CENPE: variants seen among roughly 807,000 people sequenced by gnomAD.
CENPE encodes the protein centromere protein E.
CENPE carries 145 observed loss-of-function variants against 336.1 expected under a neutral mutation model. The ratio of observed to expected loss-of-function variants is 0.43; its 90% CI spans 0.38 to 0.50. The LOEUF is 0.50. Ranked by LOEUF, CENPE falls within the 20% of genes least tolerant of loss-of-function variation. The pLI is 0.00. For synonymous variants in CENPE, 1,013 were observed against 984.8 expected (o/e 1.03, Z -0.54); for missense variants, 2,719 against 3,023.3 (o/e 0.90, Z 2.36).
rs1314684342 is a variant in CENPE, at chr4:103,116,675, T to A, written c.7344A>T (p.Leu2448Phe). The A allele has an allele frequency of 6.4e-7, 1 of 1,566,268 alleles. No individual in the cohort carries two copies. Among genetic ancestry groups the A allele is most frequent in the Non-Finnish European group, 8.6e-7 (1 of 1,159,708 alleles). The change falls in exon 45 of 49, where the codon TTA becomes TTT. Residue 2448 changes from leucine (L) to phenylalanine (F), a missense_variant. Around this residue, in one of 5 missense-constraint regions of CENPE, gnomAD observed 2,437 missense variants for 2,513.3 expected, o/e 0.97. Transcript: ENST00000265148. ...TTTCTTCTTTATATGGCTTAGCTCC[T>A]AAAGCAACTTTGTCCTAAATTTTTT... The part of the protein sequence containing the change: ...TIQVLQDKVA[L>F]GAKPYKEEIE...
rs1260520613 is a variant in CENPE at position 103,147,553 on chromosome 4, C to T, written c.3937G>A (p.Glu1313Lys). The T allele has an allele frequency of 3.1e-6, 5 of 1,614,012 alleles. No homozygotes were observed. In the South Asian group the frequency reaches 5.5e-5, roughly 18 times the overall value. The change falls in exon 29 of 49, where the codon GAA becomes AAA. Residue 1313 changes from glutamate to lysine, a missense_variant. By Grantham distance (56) the Glu-to-Lys change is moderately conservative. Transcript: ENST00000265148. ...ETMNELELLT[E>K]QSTTKDSTTL... ...GTTGAGTCCTTGGTTGTGGACTGTT[C>T]TGTTAATAACTCCAGTTCATTCATT...
chr4:103,132,984 A>ATATATAT (rs1578575064), intron 41 of CENPE, 88 bp from the exon 42 acceptor site: 11 of 187,762 alleles, frequency 5.9e-5, no homozygotes, highest in African/African-American at 7.6e-5. Context: ...ATATATATAT[A>ATATATAT]AAATAAAAAG....
intron 17 of CENPE, 90 bp from the exon 18 acceptor site, chr4:103,163,346 C>T (rs1469272370): frequency 2.3e-6 from 3 of 1,306,278 alleles, no homozygotes; most frequent in Non-Finnish European, 2.1e-6. Context: ...AGTTTAAATT[C>T]ATAGTAAAAT....
At chr4:103,175,342 G>C (rs1356570908) in intron 15 of CENPE, among the ~76,000 whole-genome samples, 1 of 151,380 alleles carries the variant, frequency 6.6e-6, no homozygotes, top group Non-Finnish European at 1.5e-5. Context: ...TAAACCATGA[G>C]TTAAAAAAAT....
intron 8 of CENPE, 32 bp from the exon 9 acceptor site, chr4:103,185,893 C>T: frequency 6.8e-7 from 1 of 1,461,710 alleles, no homozygotes; most frequent in Admixed American, 1.9e-5. Flanking sequence ...ATCCTTAGGG[C>T]AGATAATTTG....
In CENPE at chr4:103,180,449, A is replaced by G; in HGVS notation, c.1104T>C (p.Ala368=). 2 of 1,611,406 alleles carry G rather than the reference A, an allele frequency of 1.2e-6. No individual in the cohort carries two copies. Among genetic ancestry groups the G allele is most frequent in the Admixed American group, 1.7e-5 (1 of 59,860 alleles). The stretch of plus-strand genomic sequence containing the variant: ...CCAATTGGTCTTTTTCCATTGCCTG[A>G]GCCCGCGTCTCTAAAGAAACCTATA... ...QLEEVSLETR[A]QAMEKDQLAQ... Residue 368 remains alanine, a synonymous_variant, in exon 13 of 49, where the codon GCT becomes GCC. Coordinates refer to ENST00000265148, the MANE Select transcript of CENPE (RefSeq NM_001813.3).
chr4:103,168,483 C>A (rs1755113214), intron 16 of CENPE, among the ~76,000 whole-genome samples: 1 of 152,178 alleles, frequency 6.6e-6, no homozygotes, highest in African/African-American at 2.4e-5. Context: ...ATCCTCCCTG[C>A]ATAAGGAACT....
Position 103,120,315 on chromosome 4 carries a change from T to C in CENPE, c.7162A>G (p.Asn2388Asp). 1.2e-6 allele frequency: 2 copies of C among 1,607,152 alleles called. No homozygotes were observed. Residue 2388 changes from asparagine to aspartate, a missense_variant, in exon 44 of 49, where the codon AAT becomes GAT. Around this residue, in one of 5 missense-constraint regions of CENPE, gnomAD observed 2,437 missense variants for 2,513.3 expected, o/e 0.97. Coordinates refer to ENST00000265148, the MANE Select transcript of CENPE (RefSeq NM_001813.3). Reference protein sequence around the residue: ...LTTEKIRELENSLHEAKESAM... With the variant: ...LTTEKIRELEDSLHEAKESAM... ...CTTTCTTTAGCTTCATGCAGTGAAT[T>C]TTCCAGCTCTCGAATTTTCTATTAG...
chr4:103,139,818 T>C lies in CENPE; in HGVS notation c.6175A>G (p.Ile2059Val). Reference sequence around the variant, plus strand: ...GCTATCATTTCCCTTAAGGTTGCTATGAATTGGTCCCTTTCCATTTTGAGA... The same window carrying C: ...GCTATCATTTCCCTTAAGGTTGCTACGAATTGGTCCCTTTCCATTTTGAGA... ...ESLKMERDQFIATLREMIARD... is the reference protein window; with the variant it reads ...ESLKMERDQFVATLREMIARD... The change falls in exon 38 of 49, where the codon ATA becomes GTA. Residue 2059 changes from isoleucine (I) to valine (V), a missense_variant. Physicochemically the swap from Ile to Val is conservative, Grantham distance 29. Around this residue, in one of 5 missense-constraint regions of CENPE, gnomAD observed 2,437 missense variants for 2,513.3 expected, o/e 0.97. Coordinates refer to ENST00000265148, the MANE Select transcript of CENPE (RefSeq NM_001813.3). The C allele has an allele frequency of 1.2e-6, 2 of 1,611,086 alleles. No individual in the cohort carries two copies. The highest frequency in any genetic ancestry group is 8.5e-7 in the Non-Finnish European group (1 of 1,179,010).
chr4:103,182,453 A>G (rs116247051), intron 11 of CENPE, among the ~76,000 whole-genome samples: 363 of 152,354 alleles, frequency 2.4e-3, no homozygotes, highest in African/African-American at 8.2e-3. Flanking sequence ...GCAAGTAATA[A>G]TAGTTTCCCA....
Position 103,158,629 on chromosome 4 carries a change from G to A in CENPE, c.2859C>T (p.His953=), listed in dbSNP as rs1189389270. The A allele has an allele frequency of 2.5e-6, 4 of 1,602,918 alleles. No homozygotes were observed. Among genetic ancestry groups the A allele is most frequent in the East Asian group, 2.2e-5 (1 of 44,750 alleles). The change falls in exon 23 of 49, where the codon CAC becomes CAT. Residue 953 remains histidine, a synonymous_variant. Coordinates refer to ENST00000265148, the MANE Select transcript of CENPE (RefSeq NM_001813.3). ...IERDQLKSDI[H]DTVNMNIDTQ... The stretch of plus-strand genomic sequence containing the variant: ...AAAACCTTACCATGTTAACAGTATC[G>A]TGAATATCACTTTTGAGTTGGTCCC...
At chr4:103,187,219 G>T (rs1237888377) in intron 8 of CENPE, among the ~76,000 whole-genome samples, 1 of 152,154 alleles carries the variant, frequency 6.6e-6, no homozygotes, top group Non-Finnish European at 1.5e-5. Flanking sequence ...ATCAGACGTA[G>T]ATTTGGTCTT....
chr4:103,145,649 A>C lies in CENPE; in HGVS notation c.4446T>G (p.Ala1482=). The C allele has an allele frequency of 6.2e-7, 1 of 1,604,746 alleles. No individual in the cohort carries two copies. Among genetic ancestry groups the C allele is most frequent in the Admixed American group, 1.7e-5 (1 of 58,108 alleles). ...HLETEEELKV[A]HCCLKEQEET... The stretch of plus-strand genomic sequence containing the variant: ...CCTCTTGTTCTTTCAGGCAACAATG[A>C]GCAACTTTAAGTTCCTCTTCAGTTT... The change falls in exon 31 of 49, where the codon GCT becomes GCG. Residue 1482 remains alanine, a synonymous_variant. Coordinates refer to ENST00000265148, the MANE Select transcript of CENPE (RefSeq NM_001813.3).
intron 24 of CENPE, among the ~76,000 whole-genome samples, chr4:103,156,078 GAGA>G (rs1246771433): frequency 6.6e-6 from 1 of 152,168 alleles, no homozygotes; most frequent in Non-Finnish European, 1.5e-5. Context: ...AAATGTTGCT[GAGA>G]AGAAATTAAA....
intron 20 of CENPE, 64 bp from the exon 21 acceptor site, chr4:103,160,843 T>G: frequency 7.2e-7 from 1 of 1,385,124 alleles, no homozygotes; most frequent in Non-Finnish European, 9.8e-7. Context: ...TAATTTTTAA[T>G]TGTCCTTGAA....
intron 15 of CENPE, 103 bp downstream of exon 15, chr4:103,175,857 A>G: frequency 1.4e-6 from 1 of 713,118 alleles, no homozygotes; most frequent in Non-Finnish European, 2.2e-6. Flanking sequence ...CATTAGAGCC[A>G]AAATCATTAC....
Position 103,143,330 on chromosome 4 carries a change from C to G in CENPE, c.5222G>C (p.Arg1741Thr), listed in dbSNP as rs1216424520. 6.2e-7 allele frequency: 1 copy of G among 1,606,192 alleles called. No homozygotes were observed. The highest frequency in any genetic ancestry group is 1.3e-5 in the African/African-American group (1 of 74,714). The change falls in exon 34 of 49, where the codon AGA becomes ACA. Residue 1741 changes from arginine (R) to threonine (T), a missense_variant. Physicochemically the swap from Arg to Thr is moderately conservative, Grantham distance 71. Coordinates refer to ENST00000265148, the MANE Select transcript of CENPE (RefSeq NM_001813.3). The stretch of plus-strand genomic sequence containing the variant: ...ATTTGTTTTCTCTGAAACAATCCCT[C>G]TTAGTTTATCAATAGTTTCTTGGTG... Reference protein sequence around the residue: ...KEHQETIDKLRGIVSEKTNEI... With the variant: ...KEHQETIDKLTGIVSEKTNEI...
In CENPE at chr4:103,136,176, A is replaced by G; in HGVS notation, c.6487T>C (p.Ser2163Pro). Residue 2163 changes from serine (S) to proline (P), a missense_variant, in exon 40 of 49, where the codon TCC becomes CCC. By Grantham distance (74) the Ser-to-Pro change is moderately conservative. Around this residue, in one of 5 missense-constraint regions of CENPE, gnomAD observed 2,437 missense variants for 2,513.3 expected, o/e 0.97. Transcript: ENST00000265148. Reference protein sequence around the residue: ...EKLFTANQRCSMEFHRIMKKL... With the variant: ...EKLFTANQRCPMEFHRIMKKL... ...TTCATGATTCTGTGGAATTCCATGG[A>G]GCATCTCTGGTTTGCAGTAAAAAGT... The G allele has an allele frequency of 1.2e-6, 2 of 1,613,864 alleles. No individual in the cohort carries two copies. Among genetic ancestry groups the G allele is most frequent in the Non-Finnish European group, 1.7e-6 (2 of 1,179,828 alleles).
chr4:103,177,832 A>G (rs1756005999), intron 13 of CENPE, among the ~76,000 whole-genome samples: 1 of 151,856 alleles, frequency 6.6e-6, no homozygotes, highest in African/African-American at 2.4e-5. Context: ...AAGCCCCATC[A>G]TATTCAAATC....
Sources: allele counts gnomAD v4.1 joint callset (sites outside exome capture counted in the v4.1 genomes callset), GRCh38; gene constraint gnomAD v4.1.1; regional missense constraint gnomAD v4.1.1; transcripts MANE v1.5; gene names NCBI Gene and HGNC (gene_info 2026-07-23, HGNC 2026-07-21).